Variants in STKLD1 observed in about 807,000 individuals in gnomAD.
STKLD1 encodes serine/threonine kinase-like domain-containing protein STKLD1.
In STKLD1, 79 loss-of-function variants were observed where a neutral mutation model predicts 80.4. The observed-to-expected ratio is 0.98, with a 90% CI of 0.82 to 1.19. The LOEUF (loss-of-function observed/expected upper bound fraction) is 1.19, where lower values mean the gene tolerates loss of function less well. STKLD1 is among the 50% of genes most tolerant of loss of function. The probability of loss-of-function intolerance (pLI) is 0.00; values close to 1 mark genes in which losing one functional copy is unlikely to be tolerated. For missense variants in STKLD1, 841 were observed against 856.0 expected, an observed-to-expected ratio of 0.98 and a Z score of 0.22; for synonymous variants, 393 against 357.6, an observed-to-expected ratio of 1.10 and a Z score of -1.12.
chr9:133,397,039 CAG>C, intron 9 of STKLD1, 123 bp from the exon 10 acceptor site: 1 of 1,377,950 alleles, frequency 7.3e-7, no homozygotes, highest in Non-Finnish European at 9.8e-7. Flanking sequence ...AATCCCAAAA[CAG>C]GGAGTTCAGT....
rs1838713906 is a variant in STKLD1, at chr9:133,401,818, C to A, written c.1279C>A (p.Pro427Thr). ...STLLSALQSHPEEEPLLVMVY... is the reference protein window; with the variant it reads ...STLLSALQSHTEEEPLLVMVY... The stretch of plus-strand genomic sequence containing the variant: ...CCTGCTGAGTGCTCTTCAGAGCCAC[C>A]CCGAGGAGGAGCCACTTCTTGTCAT... Residue 427 changes from proline (P) to threonine (T), a missense_variant, in exon 13 of 18, where the codon CCC becomes ACC. Coordinates refer to ENST00000371957, the MANE Select transcript of STKLD1 (RefSeq NM_153710.5). 6.2e-7 allele frequency: 1 copy of A among 1,613,586 alleles called. No individual in the cohort carries two copies. The highest frequency in any genetic ancestry group is 1.7e-5 in the Admixed American group (1 of 59,998).
intron 4 of STKLD1, among the ~76,000 whole-genome samples, chr9:133,386,043 C>T (rs2130276476): frequency 2.6e-5 from 4 of 152,018 alleles, no homozygotes; most frequent in South Asian, 2.1e-4. Flanking sequence ...CTCAGCCTCC[C>T]GAGTAGCCAG....
At chr9:133,379,358 G>A (rs1460777952) in intron 2 of STKLD1, among the ~76,000 whole-genome samples, 1 of 152,198 alleles carries the variant, frequency 6.6e-6, no homozygotes, top group Non-Finnish European at 1.5e-5. Flanking sequence ...CACCATTTAC[G>A]CATCACGTGC....
chr9:133,402,756 TTG>T, intron 13 of STKLD1, 120 bp from the exon 14 acceptor site: 1 of 1,130,802 alleles, frequency 8.8e-7, no homozygotes, highest in Non-Finnish European at 1.2e-6. Flanking sequence ...TGCACACGAC[TTG>T]GCCCAGAGCA....
intron 11 of STKLD1, 65 bp downstream of exon 11, chr9:133,398,120 G>T: frequency 1.3e-6 from 2 of 1,507,252 alleles, no homozygotes; most frequent in Non-Finnish European, 1.8e-6. Flanking sequence ...GGTCCGGCCT[G>T]TGGGGAGCTG....
intron 7 of STKLD1, among the ~76,000 whole-genome samples, chr9:133,391,127 G>A (rs2130288079): frequency 5.3e-5 from 8 of 151,844 alleles, no homozygotes; most frequent in Non-Finnish European, 7.4e-5. Context: ...TGCCCAGGAC[G>A]GAGGGAGGTG....
In STKLD1 at chr9:133,384,164, C is replaced by A; in HGVS notation, c.219+264C>A. ...CATAAAATTTAAATATTGGGCTGGG[C>A]ACGGTGGCTCACATTTGTAATCCCA... On this transcript the variant is annotated intron_variant, in intron 3 of 17. Coordinates refer to ENST00000371957, the MANE Select transcript of STKLD1 (RefSeq NM_153710.5). This position sits in a 1 kb window ranked among gnomAD's most constrained non-coding sequence, Gnocchi z 4.3. 1 of 423,306 alleles carries A rather than the reference C, an allele frequency of 2.4e-6. No homozygotes were observed. Among genetic ancestry groups the A allele is most frequent in the East Asian group, 4.4e-5 (1 of 22,782 alleles). The allele number at this position is 423,306 out of a possible 1,614,324, so 26.2% of individuals were successfully genotyped here.
chr9:133,379,466 G>A (rs140601520), intron 2 of STKLD1, among the ~76,000 whole-genome samples: 2 of 152,322 alleles, frequency 1.3e-5, no homozygotes, highest in East Asian at 3.9e-4. Flanking sequence ...TCAATGCAGC[G>A]CCAGACTAGG....
chr9:133,380,207 TTG>T (rs1491275167), intron 2 of STKLD1, among the ~76,000 whole-genome samples: 1 of 152,150 alleles, frequency 6.6e-6, no homozygotes, highest in Non-Finnish European at 1.5e-5. Context: ...GGCTAATTTT[TTG>T]TATTTTAGTA....
chr9:133,383,879 C>T lies in STKLD1; in HGVS notation c.198C>T (p.Tyr66=), dbSNP rs141126243. 1.9e-4 allele frequency: 309 copies of T among 1,613,858 alleles called. No homozygotes were observed. The highest frequency in any genetic ancestry group is 1.8e-3 in the Middle Eastern group (11 of 6,084). ...AGGTGGAATGCATGGATGACCATTA[C>T]GCCAGTCAGGCCCTGGAGGAGGTAA... ...IKQVECMDDH[Y]ASQALEELMP... The change falls in exon 3 of 18, where the codon TAC becomes TAT. Residue 66 remains tyrosine (Y), a synonymous_variant. Transcript: ENST00000371957.
At chr9:133,397,505 C>T (rs587718025) in intron 10 of STKLD1, among the ~76,000 whole-genome samples, 1 of 152,306 alleles carries the variant, frequency 6.6e-6, no homozygotes, top group African/African-American at 2.4e-5. Context: ...CTCCCAACTA[C>T]CTATAACACA....
rs1838325450 is a variant in STKLD1, at chr9:133,389,031, G to A, written c.397-495G>A. The A allele has an allele frequency of 1.0e-6, 1 of 985,366 alleles. No individual in the cohort carries two copies. Among genetic ancestry groups the A allele is most frequent in the Non-Finnish European group, 1.2e-6 (1 of 829,888 alleles). 61.0% of individuals were successfully genotyped at this position (985,366 alleles called of 1,614,324 possible). A position where few individuals can be genotyped will look rare whatever the true frequency, so the allele number is the denominator to read the frequency against. On this transcript the variant is annotated intron_variant, in intron 5 of 17. Coordinates refer to ENST00000371957, the MANE Select transcript of STKLD1 (RefSeq NM_153710.5). This position sits in a 1 kb window ranked among gnomAD's most constrained non-coding sequence, Gnocchi z 6.4. The stretch of plus-strand genomic sequence containing the variant: ...GGTGGCCCTGAATCCAGGGGCCCTA[G>A]GAGCCCAGCTTTAGAATCACCGCGC...
intron 11 of STKLD1, 78 bp downstream of exon 11, chr9:133,398,133 G>A: frequency 7.0e-7 from 1 of 1,422,918 alleles, no homozygotes; most frequent in Non-Finnish European, 9.8e-7. Context: ...GGGAGCTGAG[G>A]CTGGCCCTCA....
In STKLD1 at chr9:133,380,287, C is replaced by T. The variant is rs2130263068; in HGVS notation, c.174+1165C>T. On this transcript the variant is annotated intron_variant, in intron 2 of 17. Transcript: ENST00000371957. ...CTGGAACTCCTGAGCTCAGGCAGTC[C>T]GCCCGCCTCGGCCTCCCAAAGTGCT... Among the ~76,000 whole-genome samples the T allele has an allele frequency of 5.9e-4, 90 of 151,602 alleles. 3 individuals carry two copies. The South Asian group carries it at 0.018, about 30-fold the overall frequency.
rs1554775981 is a variant in STKLD1, at chr9:133,393,220, A to C, written c.584-1071A>C. ...GATGGATGGATGGATGGATGGATGG[A>C]TGGATGGTTGGACGGATGGATGAAT... On this transcript the variant is annotated intron_variant, in intron 7 of 17. Transcript: ENST00000371957. Among the ~76,000 whole-genome samples, 2 of 122,530 alleles carry C rather than the reference A, an allele frequency of 1.6e-5. 1 individual carries two copies. Among genetic ancestry groups the C allele is most frequent in the South Asian group, 6.0e-4 (2 of 3,334 alleles). The allele number at this position is 122,530 out of a possible 152,430, so 80.4% of individuals were successfully genotyped here. A position where few individuals can be genotyped will look rare whatever the true frequency, so the allele number is the denominator to read the frequency against.
In STKLD1 at chr9:133,398,741, C is replaced by T. The variant is rs932717623; in HGVS notation, c.1081+686C>T. Among the ~76,000 whole-genome samples, 5 of 152,300 alleles carry T rather than the reference C, an allele frequency of 3.3e-5. No individual in the cohort carries two copies. In the South Asian group the frequency reaches 6.2e-4, roughly 19 times the overall value. ...CTATAGTGAGCTACGCTTGCACCAC[C>T]GCACTCCAGCCTAGAAGACCCTGTC... is the stretch of plus-strand genomic sequence containing the variant. On this transcript the variant is annotated intron_variant, in intron 11 of 17. Coordinates refer to ENST00000371957, the MANE Select transcript of STKLD1 (RefSeq NM_153710.5).
intron 9 of STKLD1, chr9:133,395,970 G>GGA (rs1838552012): frequency 4.0e-6 from 2 of 496,680 alleles, no homozygotes; most frequent in Non-Finnish European, 7.1e-6. Context: ...ACGGTGGAGT[G>GGA]AGCAGACTGA....
intron 2 of STKLD1, among the ~76,000 whole-genome samples, chr9:133,379,400 C>G (rs2130260943): frequency 1.3e-5 from 2 of 152,234 alleles, no homozygotes; most frequent in Admixed American, 1.3e-4. Context: ...CTTCATCTCC[C>G]GTCAACCCTG....
At chr9:133,381,988 A>T (rs1838144741) in intron 2 of STKLD1, among the ~76,000 whole-genome samples, 1 of 152,214 alleles carries the variant, frequency 6.6e-6, no homozygotes, top group South Asian at 2.1e-4. Context: ...TCTTTTGAGC[A>T]AAATTCTGGG....
Sources: gnomAD v4.1 joint callset for allele counts (sites outside exome capture counted in the v4.1 genomes callset) on GRCh38, gnomAD v4.1.1 for gene constraint, Gnocchi (gnomAD v3.1) non-coding constraint, MANE v1.5 for transcripts, NCBI Gene and HGNC (gene_info 2026-07-23, HGNC 2026-07-21) for gene names.